GOSR2: variants seen among roughly 807,000 people sequenced by gnomAD.
The protein encoded by GOSR2 is golgi SNAP receptor complex member 2.
A neutral mutation model predicts 27.9 loss-of-function variants in GOSR2; 20 were observed. The observed-to-expected ratio is 0.72, with a 90% CI of 0.50 to 1.04. The LOEUF (loss-of-function observed/expected upper bound fraction) is 1.04. GOSR2 is among the 50% of genes least tolerant of loss of function. GOSR2 has a pLI of 0.00. For missense variants in GOSR2, 261 were observed against 270.5 expected, an observed-to-expected ratio of 0.97 and a Z score of 0.25; for synonymous variants, 91 against 98.8, an observed-to-expected ratio of 0.92 and a Z score of 0.47.
chr17:46,934,010 A>G (rs1003931166), intron 4 of GOSR2, among the ~76,000 whole-genome samples: 1 of 151,786 alleles, frequency 6.6e-6, no homozygotes, highest in Non-Finnish European at 1.5e-5. Context: ...GGCAGAAAAG[A>G]GAAGGGAACG....
chr17:46,931,188 A>T lies in GOSR2; in HGVS notation c.184A>T (p.Lys62Ter), dbSNP rs1380954046. 9 of 1,572,318 alleles carry T rather than the reference A, an allele frequency of 5.7e-6. No homozygotes were observed. The highest frequency in any genetic ancestry group is 7.9e-6 in the Non-Finnish European group (9 of 1,141,934). Reference sequence around the variant, plus strand: ...TTTGTCCAGCAAGGAGCCCCCTAACAAAAGGCAAAATGCCAGACTGTAAGT... The same window carrying T: ...TTTGTCCAGCAAGGAGCCCCCTAACTAAAGGCAAAATGCCAGACTGTAAGT... ...EILSSKEPPN[K>*]RQNARLRVDQ... The change falls in exon 3 of 6, where the codon AAA (lysine) becomes TAA (stop). Residue 62 changes from lysine to a stop codon, truncating the protein, a stop_gained. Coordinates refer to ENST00000640051, the MANE Select transcript of GOSR2 (RefSeq NM_004287.5). LOFTEE classifies it high-confidence loss of function.
At chr17:46,963,234 A>T (rs2091162738) in intron 6 of GOSR2, among the ~76,000 whole-genome samples, 1 of 152,208 alleles carries the variant, frequency 6.6e-6, no homozygotes, top group Non-Finnish European at 1.5e-5. Context: ...TGGATTCTAT[A>T]AAGATGATCA....
intron 5 of GOSR2, chr17:46,935,423 T>C: frequency 7.0e-7 from 1 of 1,422,918 alleles, no homozygotes; most frequent in Non-Finnish European, 9.1e-7. Flanking sequence ...TCCCATTTAC[T>C]GAACTTATCA....
chr17:46,970,960 A>G (rs997632946), downstream of GOSR2, among the ~76,000 whole-genome samples: 1 of 152,206 alleles, frequency 6.6e-6, no homozygotes, highest in Non-Finnish European at 1.5e-5. Flanking sequence ...ATGCCAAAGG[A>G]TTAATAGTGA....
chr17:46,945,777 G>C (rs75400369), downstream of GOSR2, among the ~76,000 whole-genome samples: 1 of 152,152 alleles, frequency 6.6e-6, no homozygotes, highest in Non-Finnish European at 1.5e-5. Context: ...AGGGAGTGGG[G>C]ACCTCTATAG....
chr17:46,937,415 A>C (rs2088577596), intron 5 of GOSR2: 1 of 152,330 alleles, frequency 6.6e-6, no homozygotes, highest in South Asian at 2.1e-4. Flanking sequence ...TATAGTATAA[A>C]ATATTCTAAT....
intron 6 of GOSR2, among the ~76,000 whole-genome samples, chr17:46,973,620 C>A (rs1190194484): frequency 6.6e-6 from 1 of 152,182 alleles, no homozygotes; most frequent in Non-Finnish European, 1.5e-5. Flanking sequence ...GAACACCCCG[C>A]AATGCTGTCA....
At chr17:46,948,939 A>T (rs906190206) in intron 6 of GOSR2, 2 of 152,236 alleles carry the variant, frequency 1.3e-5, no homozygotes. Context: ...CATTCTTTCG[A>T]TAGCTACGAA....
chr17:46,924,518 T>G (rs879248965), intron 1 of GOSR2: 1 of 152,218 alleles, frequency 6.6e-6, no homozygotes, highest in Admixed American at 6.5e-5. Context: ...GTAGTTTTGT[T>G]GATTAAAACA....
chr17:46,955,912 G>C lies in GOSR2; in HGVS notation c.584-10622G>C, dbSNP rs550036466. The stretch of plus-strand genomic sequence containing the variant: ...TAGAGCAAGAGCTGTGTCTCCATCA[G>C]ACTAGCAACTTCCTGAGGGCGAAGA... On this transcript the variant is annotated intron_variant, in intron 6 of 6. Transcript: ENST00000573224. Among the ~76,000 whole-genome samples, 177 of 152,242 alleles carry C rather than the reference G, an allele frequency of 1.2e-3. 1 individual carries two copies. Among genetic ancestry groups the C allele is most frequent in the Middle Eastern group, 3.4e-3 (1 of 294 alleles).
At chr17:46,966,747 T>G in exon 7 of GOSR2, 2 of 479,524 alleles carry the variant, frequency 4.2e-6, no homozygotes, top group South Asian at 8.4e-5. Context: ...GTGCCTTGTT[T>G]CATTAAGTGG....
At chr17:46,966,215 A>C (rs2091313731) in intron 6 of GOSR2, among the ~76,000 whole-genome samples, 1 of 152,272 alleles carries the variant, frequency 6.6e-6, no homozygotes, top group Admixed American at 6.5e-5. Flanking sequence ...ATAATGAGAC[A>C]GAAAAATCAA....
chr17:46,936,440 G>A, intron 5 of GOSR2: 1 of 985,342 alleles, frequency 1.0e-6, no homozygotes, highest in South Asian at 4.7e-5. Context: ...AGGTGGCTGG[G>A]GGTTGAGACT....
In GOSR2 at chr17:46,934,035, G is replaced by A. The variant is rs1599008426; in HGVS notation, c.337-994G>A. On this transcript the variant is annotated intron_variant, in intron 4 of 5. Coordinates refer to ENST00000640051, the MANE Select transcript of GOSR2 (RefSeq NM_004287.5). ...AGAAGGGAACGCTCTCACAGCTGGC[G>A]AGGACTTGGCTCCTGCCTATAGTCC... 2.6e-5 allele frequency among the ~76,000 whole-genome samples: 4 copies of A among 152,226 alleles called. 1 individual carries two copies.
intron 1 of GOSR2, chr17:46,923,571 G>T: frequency 7.6e-7 from 1 of 1,313,410 alleles, no homozygotes; most frequent in Non-Finnish European, 9.7e-7. Context: ...CTCGAGAGGA[G>T]ACACGGAGTA....
At chr17:46,927,553 G>C (rs1030001571) in intron 1 of GOSR2, among the ~76,000 whole-genome samples, 3 of 152,204 alleles carry the variant, frequency 2.0e-5, no homozygotes, top group Admixed American at 1.3e-4. Flanking sequence ...AAGTGAGCTT[G>C]AGTTTATTTT....
At chr17:46,942,785 A>G (rs1269387725), downstream of GOSR2, among the ~76,000 whole-genome samples, 1 of 152,230 alleles carries the variant, frequency 6.6e-6, no homozygotes, top group African/African-American at 2.4e-5. Flanking sequence ...AAGCTGAGAA[A>G]GGAAAGTGTC....
downstream of GOSR2, among the ~76,000 whole-genome samples, chr17:46,975,889 GAT>G (rs1216086284): frequency 1.1e-5 from 1 of 87,240 alleles, no homozygotes; most frequent in African/African-American, 3.4e-5. Context: ...AAAGAAGAAA[GAT>G]AAAGGAAGGA....
chr17:46,954,250 A>G (rs1454772894), intron 6 of GOSR2, among the ~76,000 whole-genome samples: 1 of 152,236 alleles, frequency 6.6e-6, no homozygotes, highest in Non-Finnish European at 1.5e-5. Context: ...AGCTTTCTAC[A>G]TATGGCTAGC....
Sources: gnomAD v4.1 joint callset for allele counts (sites outside exome capture counted in the v4.1 genomes callset) on GRCh38, gnomAD v4.1.1 for gene constraint, MANE v1.5 for transcripts, NCBI Gene and HGNC (gene_info 2026-07-23, HGNC 2026-07-21) for gene names.